The following ASCC3 variants were observed in gnomAD, a reference collection of about 807,000 sequenced individuals.
The protein encoded by ASCC3 is activating signal cointegrator 1 complex subunit 3.
ASCC3 carries 158 observed loss-of-function variants against 256.3 expected under a neutral mutation model. The observed-to-expected ratio is 0.62, with a 90% CI of 0.54 to 0.70. The LOEUF (loss-of-function observed/expected upper bound fraction) is 0.70. Ranked by LOEUF, ASCC3 falls within the 30% of genes least tolerant of loss-of-function variation. The probability of loss-of-function intolerance (pLI) is 0.00; values close to 1 mark genes in which losing one functional copy is unlikely to be tolerated. For missense variants in ASCC3, 2,259 were observed against 2,626.0 expected (o/e 0.86, Z 3.05); for synonymous variants, 948 against 883.4 (o/e 1.07, Z -1.30).
At chr6:100,740,735 C>T (rs978764770) in intron 10 of ASCC3, among the ~76,000 whole-genome samples, 5 of 152,092 alleles carry the variant, frequency 3.3e-5, no homozygotes, top group African/African-American at 1.2e-4. Flanking sequence ...AATGGCAACC[C>T]CTGCTTTTTT....
Position 100,540,187 on chromosome 6 carries a change from C to G in ASCC3, c.5751G>C (p.Leu1917Phe). ...PDYDTDTKTV[L>F]DQALRVCQAM... The stretch of plus-strand genomic sequence containing the variant: ...CCTGACATACTCTGAGAGCTTGGTC[C>G]AAGACTGTTTTGGTATCAGTGTCAT... Residue 1917 changes from leucine to phenylalanine, a missense_variant, in exon 37 of 42, where the codon TTG becomes TTC. Leu to Phe is a conservative substitution (Grantham distance 22). Around this residue, in one of 2 missense-constraint regions of ASCC3, gnomAD observed 1,839 missense variants for 2,206.7 expected, o/e 0.83. Coordinates refer to ENST00000369162, the MANE Select transcript of ASCC3 (RefSeq NM_006828.4). The G allele has an allele frequency of 6.2e-7, 1 of 1,613,886 alleles. No homozygotes were observed. Among genetic ancestry groups the G allele is most frequent in the Non-Finnish European group, 8.5e-7 (1 of 1,179,882 alleles).
At chr6:100,628,894 C>CA in intron 27 of ASCC3, 121 bp downstream of exon 27, 2 of 949,046 alleles carry the variant, frequency 2.1e-6, no homozygotes, top group South Asian at 1.6e-5. Flanking sequence ...ATACATACAT[C>CA]AAAAAATCAC....
chr6:100,782,184 T>C (rs1291530836), intron 8 of ASCC3, among the ~76,000 whole-genome samples: 1 of 152,146 alleles, frequency 6.6e-6, no homozygotes, highest in East Asian at 1.9e-4. Context: ...TCTAGATCAG[T>C]GTATTTCACA....
intron 36 of ASCC3, among the ~76,000 whole-genome samples, chr6:100,572,478 A>C (rs1044513782): frequency 6.6e-5 from 10 of 152,144 alleles, no homozygotes; most frequent in African/African-American, 2.4e-4. Flanking sequence ...TAGCTAAGGT[A>C]TGAGGACTAC....
intron 14 of ASCC3, among the ~76,000 whole-genome samples, chr6:100,665,763 A>G (rs1369517880): frequency 6.6e-6 from 1 of 151,742 alleles, no homozygotes; most frequent in South Asian, 2.1e-4. Context: ...AAAAGAAGAA[A>G]AAAAAATGAA....
chr6:100,694,354 T>A (rs961831225), intron 13 of ASCC3, among the ~76,000 whole-genome samples: 2 of 150,284 alleles, frequency 1.3e-5, no homozygotes, highest in South Asian at 4.2e-4. Context: ...ATGTCTGTAG[T>A]CCCAGCTACT....
chr6:100,682,115 T>C (rs980297815), intron 13 of ASCC3, among the ~76,000 whole-genome samples: 1 of 152,104 alleles, frequency 6.6e-6, no homozygotes, highest in African/African-American at 2.4e-5. Flanking sequence ...CAAGGCAAAT[T>C]TTTTTTCTCT....
At chr6:100,688,980 C>T (rs1156894064) in intron 13 of ASCC3, among the ~76,000 whole-genome samples, 3 of 152,134 alleles carry the variant, frequency 2.0e-5, no homozygotes, top group African/African-American at 7.2e-5. Flanking sequence ...TCATTATTGG[C>T]CCTTTGGGTG....
chr6:100,792,494 G>A (rs1240548517), intron 8 of ASCC3, among the ~76,000 whole-genome samples: 1 of 151,764 alleles, frequency 6.6e-6, no homozygotes, highest in Non-Finnish European at 1.5e-5. Context: ...CCTTTGTGTG[G>A]CATACACCAC....
At chr6:100,635,345 GA>G (rs1176260119) in intron 25 of ASCC3, among the ~76,000 whole-genome samples, 1 of 151,998 alleles carries the variant, frequency 6.6e-6, no homozygotes, top group Non-Finnish European at 1.5e-5. Context: ...GACATAGAAA[GA>G]AAAATACTGC....
intron 37 of ASCC3, among the ~76,000 whole-genome samples, chr6:100,518,821 C>A (rs545875260): frequency 3.9e-5 from 6 of 152,132 alleles, no homozygotes; most frequent in Non-Finnish European, 7.4e-5. Flanking sequence ...ACAGGCAAAG[C>A]TATTTCAATT....
intron 10 of ASCC3, among the ~76,000 whole-genome samples, chr6:100,742,956 C>G (rs996922033): frequency 6.6e-6 from 1 of 152,150 alleles, no homozygotes; most frequent in African/African-American, 2.4e-5. Context: ...GTGGACCTCT[C>G]TCGCCTTGCC....
intron 8 of ASCC3, among the ~76,000 whole-genome samples, chr6:100,793,703 C>G (rs1237658944): frequency 6.6e-6 from 1 of 151,744 alleles, no homozygotes; most frequent in Non-Finnish European, 1.5e-5. Context: ...CAAGCCTAGC[C>G]TCACCTGGCA....
At chr6:100,701,767 T>TA (rs927156048) in intron 13 of ASCC3, among the ~76,000 whole-genome samples, 4 of 151,692 alleles carry the variant, frequency 2.6e-5, no homozygotes, top group African/African-American at 4.8e-5. Flanking sequence ...CAGGGATGTT[T>TA]AAAAAAAAGG....
At chr6:100,598,744 C>T (rs1210463212) in intron 34 of ASCC3, among the ~76,000 whole-genome samples, 1 of 152,140 alleles carries the variant, frequency 6.6e-6, no homozygotes, top group Non-Finnish European at 1.5e-5. Context: ...GGACAATTTC[C>T]TACTCATTAT....
intron 30 of ASCC3, among the ~76,000 whole-genome samples, chr6:100,619,028 G>A (rs1277908314): frequency 6.6e-6 from 1 of 152,188 alleles, no homozygotes; most frequent in Non-Finnish European, 1.5e-5. Flanking sequence ...AATGGCAGCT[G>A]GGAGGCAATA....
intron 5 of ASCC3, among the ~76,000 whole-genome samples, chr6:100,803,987 A>C (rs1374989161): frequency 6.6e-6 from 1 of 152,088 alleles, no homozygotes; most frequent in Non-Finnish European, 1.5e-5. Context: ...TTGTTTTCCT[A>C]TTTACCACTT....
chr6:100,668,596 T>C (rs1302545463), intron 14 of ASCC3, among the ~76,000 whole-genome samples: 2 of 151,936 alleles, frequency 1.3e-5, no homozygotes, highest in African/African-American at 2.4e-5. Flanking sequence ...ATGGCACTGA[T>C]ATTAAAACCT....
At position 100,642,726 on chromosome 6, in the gene ASCC3, T is replaced by C. The variant is rs561700707; in HGVS notation, c.3756A>G (p.Leu1252=). The C allele has an allele frequency of 2.5e-6, 4 of 1,613,642 alleles. No homozygotes were observed. The African/African-American group carries it at 4.0e-5, about 16-fold the overall frequency. ...CAAAAATAGGGATTGTAAATACCAG[T>C]AGTTGGGCTTCTTTACTAATGACCT... ...KKQVISKEAQ[L]LVFTIPIFEP... Residue 1252 remains leucine, a synonymous_variant, in exon 24 of 42, where the codon CTA becomes CTG. Transcript: ENST00000369162.
Sources: allele counts gnomAD v4.1 joint callset (sites outside exome capture counted in the v4.1 genomes callset), GRCh38; gene constraint gnomAD v4.1.1; regional missense constraint gnomAD v4.1.1; transcripts MANE v1.5; gene names NCBI Gene and HGNC (gene_info 2026-07-23, HGNC 2026-07-21).